Variants in SH3D21 observed in about 807,000 individuals in gnomAD.
The protein encoded by SH3D21 is manchette microtubule inner protein 1.
SH3D21 carries 83 observed loss-of-function variants against 82.1 expected under a neutral mutation model. The observed-to-expected ratio is 1.01, with a 90% CI of 0.85 to 1.21. The LOEUF is 1.21. SH3D21 is among the 50% of genes most tolerant of loss of function. The pLI is 0.00. For synonymous variants in SH3D21, 383 were observed against 387.8 expected, an observed-to-expected ratio of 0.99 and a Z score of 0.15; for missense variants, 980 against 962.1, an observed-to-expected ratio of 1.02 and a Z score of -0.25.
downstream of SH3D21, chr1:36,321,617 A>G: frequency 6.1e-6 from 6 of 981,262 alleles, no homozygotes; most frequent in Non-Finnish European, 7.4e-6. The surrounding 1 kb of genome is among the most constrained non-coding windows in gnomAD (Gnocchi z 6.1). Flanking sequence ...ACCTCGGCGC[A>G]GACGTGAAGT....
chr1:36,309,298 G>A (rs1223925188), intron 9 of SH3D21, among the ~76,000 whole-genome samples: 1 of 151,768 alleles, frequency 6.6e-6, no homozygotes, highest in African/African-American at 2.4e-5. Flanking sequence ...TCAGGTTCAA[G>A]CGACTCTCCT....
At chr1:36,310,364 A>G (rs1311566064) in intron 10 of SH3D21, among the ~76,000 whole-genome samples, 1 of 152,220 alleles carries the variant, frequency 6.6e-6, no homozygotes, top group Non-Finnish European at 1.5e-5. Context: ...CTGTAATCTC[A>G]GCACTTTGGG....
At chr1:36,327,985 A>T (rs1646561748), downstream of SH3D21, 5 of 711,152 alleles carry the variant, frequency 7.0e-6, no homozygotes, top group Non-Finnish European at 1.1e-5. Context: ...TCTGGCCCTC[A>T]TCCCAACTAT....
chr1:36,329,838 G>A (rs1646576342), downstream of SH3D21, among the ~76,000 whole-genome samples: 1 of 152,196 alleles, frequency 6.6e-6, no homozygotes, highest in Non-Finnish European at 1.5e-5. Context: ...AAGAGCCTTC[G>A]AGAAAGAATA....
downstream of SH3D21, chr1:36,322,064 T>C (rs1646472374): frequency 1.5e-6 from 2 of 1,343,270 alleles, no homozygotes; most frequent in Non-Finnish European, 1.9e-6. Context: ...ATTTGGTCAC[T>C]TCACCTCTTC....
downstream of SH3D21, among the ~76,000 whole-genome samples, chr1:36,326,238 T>C (rs28719608): frequency 3.7e-4 from 14 of 37,768 alleles, no homozygotes; most frequent in African/African-American, 5.0e-4. Context: ...TTCTTTCTTT[T>C]TTTTTTTTTT....
At chr1:36,321,590 C>A, downstream of SH3D21, 4 of 876,674 alleles carry the variant, frequency 4.6e-6, no homozygotes, top group Non-Finnish European at 5.7e-6. This position sits in a 1 kb window ranked among gnomAD's most constrained non-coding sequence, Gnocchi z 6.1. Flanking sequence ...GGGACTCCTG[C>A]CCTCTCGCTT....
At chr1:36,311,861 T>A (rs573113228) in intron 10 of SH3D21, among the ~76,000 whole-genome samples, 1 of 152,002 alleles carries the variant, frequency 6.6e-6, no homozygotes, top group Non-Finnish European at 1.5e-5. Context: ...GTGCAGCTAA[T>A]CTTTTAATCT....
intron 10 of SH3D21, among the ~76,000 whole-genome samples, chr1:36,313,063 G>A (rs901977114): frequency 2.0e-5 from 3 of 151,974 alleles, no homozygotes; most frequent in South Asian, 2.1e-4. Context: ...GGTGGCTTAC[G>A]CCTGTAATCC....
Position 36,320,449 on chromosome 1 carries a change from G to A in SH3D21, c.1786G>A (p.Asp596Asn). ...TTLPEEAPSN[D>N]ERTPEEEAPP... ...CCTTCCAGAGGAGGCACCTTCCAAT[G>A]ACGAGAGGACCCCTGAAGAGGAGGC... The change falls in exon 14 of 16, where the codon GAC (aspartate) becomes AAC (asparagine). Residue 596 changes from aspartate (D) to asparagine (N), a missense_variant. Asp to Asn is a conservative substitution (Grantham distance 23, BLOSUM62 1). Transcript: ENST00000453908. 6.2e-7 allele frequency: 1 copy of A among 1,613,022 alleles called. No individual in the cohort carries two copies. Among genetic ancestry groups the A allele is most frequent in the Non-Finnish European group, 8.5e-7 (1 of 1,179,716 alleles).
Position 36,321,118 on chromosome 1 carries a change from G to A in SH3D21, c.2262G>A (p.Gln754=), listed in dbSNP as rs1646454212. ...CGCGCGTCATCCACACGCAGACGCA[G>A]ACCTACTGAGGGTGGGCCTGGGAAG... The part of the protein sequence containing the change: ...QTPRVIHTQT[Q]TY Residue 754 remains glutamine (Q), a synonymous_variant, in exon 16 of 16, where the codon CAG becomes CAA. Coordinates refer to ENST00000453908, the MANE Select transcript of SH3D21 (RefSeq NM_001162530.2). This position sits in a 1 kb window ranked among gnomAD's most constrained non-coding sequence, Gnocchi z 6.1. 1.2e-6 allele frequency: 2 copies of A among 1,611,228 alleles called. No homozygotes were observed. The highest frequency in any genetic ancestry group is 1.7e-6 in the Non-Finnish European group (2 of 1,179,064).
rs974604239 is a variant in SH3D21 at position 36,308,127 on chromosome 1, A to G, written c.557A>G (p.Tyr186Cys). 1 of 1,549,732 alleles carries G rather than the reference A, an allele frequency of 6.5e-7. No homozygotes were observed. Among genetic ancestry groups the G allele is most frequent in the Non-Finnish European group, 8.7e-7 (1 of 1,145,960 alleles). Residue 186 changes from tyrosine (Y) to cysteine (C), a missense_variant, in exon 8 of 16, where the codon TAC becomes TGC. Tyr to Cys is a radical substitution (Grantham distance 194). Transcript: ENST00000453908. ...TTCCCAGTCTCCCACCCTGAGGTCT[A>G]CAGGGTCCTGTTTGACTACCAGCCT... ...YLQTVSHPEVYRVLFDYQPEA... is the reference protein window; with the variant it reads ...YLQTVSHPEVCRVLFDYQPEA...
chr1:36,315,060 A>C (rs1646317664), intron 10 of SH3D21, among the ~76,000 whole-genome samples: 3 of 152,218 alleles, frequency 2.0e-5, no homozygotes, highest in African/African-American at 7.2e-5. Flanking sequence ...AGATTGCTTG[A>C]GGTCAGGAGT....
downstream of SH3D21, chr1:36,322,353 C>T: frequency 6.3e-7 from 1 of 1,584,540 alleles, no homozygotes; most frequent in East Asian, 2.3e-5. Context: ...CCCCAGCGTG[C>T]CTGTGCCCAG....
In SH3D21 at chr1:36,313,144, GA is replaced by G. The variant is rs1291495589; in HGVS notation, c.769+3557del. Among the ~76,000 whole-genome samples, 20 of 151,980 alleles carry G rather than the reference GA, an allele frequency of 1.3e-4. No homozygotes were observed. In the South Asian group the frequency reaches 4.0e-3, roughly 30 times the overall value. On this transcript the variant is annotated intron_variant, in intron 10 of 15. Transcript: ENST00000453908. ...CGGAGACCATCTTGGCTAACACGGT[GA>G]AACCCCGTCTCTACTAAAAATACAA...
chr1:36,319,294 C>T lies in SH3D21; in HGVS notation c.898C>T (p.Leu300Phe). Reference protein sequence around the residue: ...SRTPSRDSQKLTSRDSGPNGG... With the variant: ...SRTPSRDSQKFTSRDSGPNGG... ...GACACCCAGCAGGGACAGTCAGAAGCTCACCTCCCGAGACTCAGGCAAGGG... is the reference window on the plus strand; with the variant it reads ...GACACCCAGCAGGGACAGTCAGAAGTTCACCTCCCGAGACTCAGGCAAGGG... The change falls in exon 12 of 16, where the codon CTC becomes TTC. Residue 300 changes from leucine (L) to phenylalanine (F), a missense_variant. Leu to Phe is a conservative substitution (Grantham distance 22, BLOSUM62 0). Coordinates refer to ENST00000453908, the MANE Select transcript of SH3D21 (RefSeq NM_001162530.2). The T allele has an allele frequency of 6.4e-7, 1 of 1,551,636 alleles. No homozygotes were observed. Among genetic ancestry groups the T allele is most frequent in the Non-Finnish European group, 8.7e-7 (1 of 1,146,982 alleles).
Position 36,308,473 on chromosome 1 carries a change from C to G in SH3D21, c.724C>G (p.Pro242Ala). ...AGACAACTTTGTACTCCCACCACCCCCAGTGAGTACAGAGCCAAGACACTC... is the reference window on the plus strand; with the variant it reads ...AGACAACTTTGTACTCCCACCACCCGCAGTGAGTACAGAGCCAAGACACTC... ...FPDNFVLPPP[P>A]IKKLVPRKVV... Residue 242 changes from proline (P) to alanine (A), a missense_variant and splice_region_variant, in exon 9 of 16, where the codon CCA becomes GCA. Physicochemically the swap from Pro to Ala is conservative, Grantham distance 27. Transcript: ENST00000453908. 2.6e-6 allele frequency: 4 copies of G among 1,551,434 alleles called. No homozygotes were observed. Among genetic ancestry groups the G allele is most frequent in the Non-Finnish European group, 3.5e-6 (4 of 1,146,860 alleles).
In SH3D21 at chr1:36,318,955, G is replaced by A. The variant is rs1033227399; in HGVS notation, c.770-116G>A. The A allele has an allele frequency of 8.0e-5, 37 of 461,104 alleles. No homozygotes were observed. The Admixed American group carries it at 1.3e-3, about 17-fold the overall frequency. The allele number at this position is 461,104 out of a possible 1,614,324, so 28.6% of individuals were successfully genotyped here. A position where few individuals can be genotyped will look rare whatever the true frequency, so the allele number is the denominator to read the frequency against. ...ATAATAATAATACAAAAATTAGCCG[G>A]GTGCAGTGGCGCATAGTCAAACAAG... On this transcript the variant is annotated intron_variant, in intron 10 of 15. Coordinates refer to ENST00000453908, the MANE Select transcript of SH3D21 (RefSeq NM_001162530.2).
Position 36,306,740 on chromosome 1 carries a change from C to T in SH3D21, c.147C>T (p.Pro49=). The part of the protein sequence containing the change: ...GEFGGRYGLF[P]ERLVQEIPET... Reference sequence around the variant, plus strand: ...TTGGGGGCCGCTATGGCCTCTTCCCCGAGCGCCTGGTGCAGGTGAGGCCGA... The same window carrying T: ...TTGGGGGCCGCTATGGCCTCTTCCCTGAGCGCCTGGTGCAGGTGAGGCCGA... The change falls in exon 2 of 16, where the codon CCC becomes CCT. Residue 49 remains proline (P), a synonymous_variant. Transcript: ENST00000453908. The surrounding 1 kb of genome is among the most constrained non-coding windows in gnomAD (Gnocchi z 4.5). 7.8e-7 allele frequency: 1 copy of T among 1,289,676 alleles called. No homozygotes were observed. Among genetic ancestry groups the T allele is most frequent in the South Asian group, 1.2e-5 (1 of 80,570 alleles). 79.9% of individuals were successfully genotyped at this position (1,289,676 alleles called of 1,614,324 possible).
Sources: allele counts gnomAD v4.1 joint callset (sites outside exome capture counted in the v4.1 genomes callset), GRCh38; gene constraint gnomAD v4.1.1; non-coding constraint Gnocchi (gnomAD v3.1); transcripts MANE v1.5; gene names NCBI Gene and HGNC (gene_info 2026-07-23, HGNC 2026-07-21).